IST1: variants seen among roughly 807,000 people sequenced by gnomAD.
IST1 encodes the protein IST1 factor associated with ESCRT-III.
Under a neutral mutation model 37.0 loss-of-function variants are expected in IST1, and 23 were observed. The ratio of observed to expected loss-of-function variants is 0.62; its 90% CI spans 0.45 to 0.88. The LOEUF (loss-of-function observed/expected upper bound fraction) is 0.88. Among genes scored for constraint, IST1 ranks in the 40% least tolerant of loss-of-function variants. The pLI, the probability that IST1 is intolerant of heterozygous loss-of-function variation, is 0.00. For missense variants in IST1, 488 were observed against 445.4 expected, an observed-to-expected ratio of 1.10 and a Z score of -0.86; for synonymous variants, 180 against 161.7, an observed-to-expected ratio of 1.11 and a Z score of -0.86.
intron 4 of IST1, among the ~76,000 whole-genome samples, chr16:71,918,183 A>T (rs984740112): frequency 6.6e-6 from 1 of 152,174 alleles, no homozygotes; most frequent in African/African-American, 2.4e-5. Context: ...GGCTGCCAGC[A>T]TTTCTGAGAG....
Position 71,930,048 on chromosome 16 carries a change from C to T in IST1, c.*2235C>T, listed in dbSNP as rs748390045. 1.2e-5 allele frequency: 19 copies of T among 1,545,560 alleles called. No individual in the cohort carries two copies. Among genetic ancestry groups the T allele is most frequent in the Non-Finnish European group, 1.5e-5 (17 of 1,144,934 alleles). ...GCATGCTAGTTTATCTTTTAGTTACCTACCTTAAGCGACTTTCTTTCTTTT... is the reference window on the plus strand; with the variant it reads ...GCATGCTAGTTTATCTTTTAGTTACTTACCTTAAGCGACTTTCTTTCTTTT... On this transcript the variant is annotated 3_prime_UTR_variant, in exon 10 of 10. Transcript: ENST00000378799.
At chr16:71,911,964 C>T (rs563120559) in intron 1 of IST1, among the ~76,000 whole-genome samples, 12 of 152,046 alleles carry the variant, frequency 7.9e-5, no homozygotes, top group African/African-American at 2.4e-4. Flanking sequence ...CTCTGCCTCC[C>T]AAAGTGTTGG....
chr16:71,895,622 T>C, intron 1 of IST1, 33 bp downstream of exon 1: 1 of 873,224 alleles, frequency 1.1e-6, no homozygotes, highest in Non-Finnish European at 1.4e-6. Flanking sequence ...CAGAGGTCTC[T>C]GTCTTCCTCT....
At chr16:71,903,981 TCA>T (rs922312085) in intron 1 of IST1, among the ~76,000 whole-genome samples, 12 of 152,216 alleles carry the variant, frequency 7.9e-5, no homozygotes, top group African/African-American at 2.4e-4. Context: ...TTGGGTGCAT[TCA>T]CAGTTAGGAT....
intron 1 of IST1, among the ~76,000 whole-genome samples, chr16:71,911,529 C>T (rs1003030924): frequency 6.6e-6 from 1 of 151,902 alleles, no homozygotes; most frequent in African/African-American, 2.4e-5. Context: ...TGAAGATTGT[C>T]TCAAAAACAA....
intron 1 of IST1, among the ~76,000 whole-genome samples, chr16:71,904,386 T>C (rs2037175074): frequency 6.6e-6 from 1 of 152,198 alleles, no homozygotes; most frequent in African/African-American, 2.4e-5. Context: ...CCTGCCAAAG[T>C]TTTGGGATTA....
At chr16:71,896,539 T>C in intron 1 of IST1, among the ~76,000 whole-genome samples, 1 of 152,330 alleles carries the variant, frequency 6.6e-6, no homozygotes, top group South Asian at 2.1e-4. Flanking sequence ...ATTTTTCTAA[T>C]TTAATAATAG....
Position 71,928,145 on chromosome 16 carries a change from C to G in IST1, c.*332C>G. ...GGATGGGGGAAGCACTGTGGGAAGACCACCAAAGATGGCTGGACAGTGGGA... is the reference window on the plus strand; with the variant it reads ...GGATGGGGGAAGCACTGTGGGAAGAGCACCAAAGATGGCTGGACAGTGGGA... On this transcript the variant is annotated 3_prime_UTR_variant, in exon 10 of 10. Coordinates refer to ENST00000378799, the MANE Select transcript of IST1 (RefSeq NM_001270975.2). 8.9e-6 allele frequency: 3 copies of G among 337,848 alleles called. No homozygotes were observed. The highest frequency in any genetic ancestry group is 8.3e-5 in the South Asian group (3 of 36,230). 20.9% of individuals were successfully genotyped at this position (337,848 alleles called of 1,614,324 possible).
chr16:71,915,385 C>G lies in IST1; in HGVS notation c.-15-241C>G, dbSNP rs1245098973. Among the ~76,000 whole-genome samples the G allele has an allele frequency of 2.0e-5, 3 of 152,182 alleles. No homozygotes were observed. The South Asian group carries it at 6.2e-4, about 31-fold the overall frequency. On this transcript the variant is annotated intron_variant, in intron 1 of 9. Transcript: ENST00000378799. Reference sequence around the variant, plus strand: ...CCACCCTAGTCTGAGCTATTACCATCTCTTGTCTGGATGATAATAATAGCC... The same window carrying G: ...CCACCCTAGTCTGAGCTATTACCATGTCTTGTCTGGATGATAATAATAGCC...
At chr16:71,926,438 G>T (rs1331872580) in intron 9 of IST1, among the ~76,000 whole-genome samples, 3 of 151,790 alleles carry the variant, frequency 2.0e-5, no homozygotes, top group Non-Finnish European at 4.4e-5. Flanking sequence ...CCACCTCCCG[G>T]GTTCACGCCA....
chr16:71,930,726 T>C lies in IST1; in HGVS notation c.*2913T>C, dbSNP rs1289041380. 6.6e-6 allele frequency: 1 copy of C among 152,190 alleles called. No homozygotes were observed. The highest frequency in any genetic ancestry group is 1.5e-5 in the Non-Finnish European group (1 of 68,030). The allele number at this position is 152,190 out of a possible 1,614,324, so 9.4% of individuals were successfully genotyped here. On this transcript the variant is annotated 3_prime_UTR_variant, in exon 10 of 10. Transcript: ENST00000378799. ...GCCATTCTTTACTTTTCTGCATACA[T>C]AAATATCAAGTTCTGGGCTTATTGG...
At chr16:71,908,427 G>A (rs1015259106) in intron 1 of IST1, among the ~76,000 whole-genome samples, 2 of 150,094 alleles carry the variant, frequency 1.3e-5, no homozygotes, top group African/African-American at 4.9e-5. Flanking sequence ...AGCCCCTTGA[G>A]TAGCTGGGAC....
rs1337213789 is a variant in IST1 at position 71,917,027 on chromosome 16, T to C, written c.270-20T>C. 3.3e-6 allele frequency: 5 copies of C among 1,519,984 alleles called. No individual in the cohort carries two copies. The highest frequency in any genetic ancestry group is 4.5e-6 in the Non-Finnish European group (5 of 1,105,224). The allele number at this position is 1,519,984 out of a possible 1,614,324, so 94.2% of individuals were successfully genotyped here. On this transcript the variant is annotated intron_variant, in intron 3 of 9. Transcript: ENST00000378799. ...TGGTTTGTTTTAAAGAATGTTATAT[T>C]AATTTTTTTCCTTGATTAGGGAACT...
intron 7 of IST1, 57 bp from the exon 8 acceptor site, chr16:71,923,231 C>T: frequency 4.2e-6 from 4 of 952,472 alleles, no homozygotes; most frequent in Non-Finnish European, 6.7e-6. Context: ...CATACCCAAA[C>T]CTTCGAGATT....
In IST1 at chr16:71,930,303, G is replaced by A; in HGVS notation, c.*2490G>A. The A allele has an allele frequency of 2.0e-6, 2 of 1,024,214 alleles. No homozygotes were observed. The highest frequency in any genetic ancestry group is 1.3e-6 in the Non-Finnish European group (1 of 749,510). 63.4% of individuals were successfully genotyped at this position (1,024,214 alleles called of 1,614,324 possible). A position where few individuals can be genotyped will look rare whatever the true frequency, so the allele number is the denominator to read the frequency against. The stretch of plus-strand genomic sequence containing the variant: ...GAAAAGCTTATCCGAAGGAAACTTA[G>A]GGAGAGAGTCAAAAGATAATAAGAA... On this transcript the variant is annotated 3_prime_UTR_variant, in exon 10 of 10. Coordinates refer to ENST00000378799, the MANE Select transcript of IST1 (RefSeq NM_001270975.2).
intron 8 of IST1, chr16:71,924,098 G>A: frequency 2.2e-6 from 1 of 455,976 alleles, no homozygotes; most frequent in South Asian, 1.5e-5. Flanking sequence ...TAGCTGATGT[G>A]TTCTACCTTG....
At chr16:71,927,480 C>T (rs2037771856) in intron 9 of IST1, 134 bp from the exon 10 acceptor site, 3 of 649,988 alleles carry the variant, frequency 4.6e-6, no homozygotes, top group African/African-American at 2.1e-5. Context: ...CAGAGGGAGA[C>T]TGTCTCAAAA....
At position 71,930,207 on chromosome 16, in the gene IST1, G is replaced by A; in HGVS notation, c.*2394G>A. 2.6e-6 allele frequency: 4 copies of A among 1,524,534 alleles called. No individual in the cohort carries two copies. The South Asian group carries it at 4.9e-5, about 19-fold the overall frequency. 94.4% of individuals were successfully genotyped at this position (1,524,534 alleles called of 1,614,324 possible). ...ACCTGGGAAAACAATAAGAACACTT[G>A]CAGTGACTGACAATTTAGTTTATAC... On this transcript the variant is annotated 3_prime_UTR_variant, in exon 10 of 10. Transcript: ENST00000378799.
intron 4 of IST1, among the ~76,000 whole-genome samples, 178 bp downstream of exon 4, chr16:71,917,312 G>GT (rs2037486605): frequency 6.7e-6 from 1 of 149,788 alleles, no homozygotes; most frequent in African/African-American, 2.4e-5. Flanking sequence ...ATAGAACAGT[G>GT]TTTTGCAAAC....
Sources: gnomAD v4.1 joint callset for allele counts (sites outside exome capture counted in the v4.1 genomes callset) on GRCh38, gnomAD v4.1.1 for gene constraint, MANE v1.5 for transcripts, NCBI Gene and HGNC (gene_info 2026-07-23, HGNC 2026-07-21) for gene names.